The following IGF1R variants were observed in gnomAD, a reference collection of about 807,000 sequenced individuals.
IGF1R encodes insulin-like growth factor 1 receptor.
A neutral mutation model predicts 144.6 loss-of-function variants in IGF1R; 44 were observed. The ratio of observed to expected loss-of-function variants is 0.30; its 90% confidence interval spans 0.24 to 0.39. The LOEUF (loss-of-function observed/expected upper bound fraction) is 0.39, where lower values mean the gene tolerates loss of function less well. IGF1R is among the 10% of genes least tolerant of loss of function. The probability of loss-of-function intolerance (pLI) is 1.00; values close to 1 mark genes in which losing one functional copy is unlikely to be tolerated. For synonymous variants in IGF1R, 795 were observed against 722.8 expected (o/e 1.10, Z -1.60); for missense variants, 1,355 against 1,833.7 (o/e 0.74, Z 4.77).
Position 98,959,568 on chromosome 15 carries a change from G to A in IGF1R, c.*2126G>A, listed in dbSNP as rs879455782. 35 of 233,530 alleles carry A rather than the reference G, an allele frequency of 1.5e-4. No individual in the cohort carries two copies. The highest frequency in any genetic ancestry group is 7.1e-4 in the African/African-American group (32 of 45,352). The allele number at this position is 233,530 out of a possible 1,614,324, so 14.5% of individuals were successfully genotyped here. ...AGAGCCCCTTTGCTTCTTGCTGGGG[G>A]ACCAGGGCTGTGGTGCTGGCCCACT... On this transcript the variant is annotated 3_prime_UTR_variant, in exon 21 of 21. Transcript: ENST00000650285.
chr15:98,821,519 G>GA (rs1199490762), intron 2 of IGF1R, among the ~76,000 whole-genome samples: 1 of 151,730 alleles, frequency 6.6e-6, no homozygotes. Context: ...AGTCGAAGGG[G>GA]AAGGGGTGGC....
chr15:98,649,029 C>CCAG lies in IGF1R; in HGVS notation c.-552_-550dup. 6.4e-6 allele frequency: 1 copy of CCAG among 156,326 alleles called. No homozygotes were observed. Among genetic ancestry groups the CCAG allele is most frequent in the East Asian group, 7.1e-5 (1 of 14,174 alleles). 9.7% of individuals were successfully genotyped at this position (156,326 alleles called of 1,614,324 possible). A position where few individuals can be genotyped will look rare whatever the true frequency, so the allele number is the denominator to read the frequency against. Reference sequence around the variant, plus strand: ...AGGGAGGAGGCGGCGGCGAGCGGAGCCAGGAGGAGGAGGAGGAGGGGGAGC... The same window carrying CCAG: ...AGGGAGGAGGCGGCGGCGAGCGGAGCCAGCAGGAGGAGGAGGAGGAGGGGGAGC... On this transcript the variant is annotated 5_prime_UTR_variant, in exon 1 of 21. Coordinates refer to ENST00000650285, the MANE Select transcript of IGF1R (RefSeq NM_000875.5).
intron 2 of IGF1R, among the ~76,000 whole-genome samples, chr15:98,845,466 GCCCCCTCCTCCTC>G (rs1322642115): frequency 1.4e-4 from 9 of 64,118 alleles, no homozygotes; most frequent in Non-Finnish European, 2.6e-4. Context: ...TCCTTCTCCT[GCCCCCTCCTCCTC>G]CCTCCTCCTC....
At chr15:98,900,241 T>G (rs966269934) in intron 5 of IGF1R, among the ~76,000 whole-genome samples, 1 of 152,240 alleles carries the variant, frequency 6.6e-6, no homozygotes, top group Non-Finnish European at 1.5e-5. Flanking sequence ...AAGCCGGTGC[T>G]TATTGCATGC....
intron 1 of IGF1R, among the ~76,000 whole-genome samples, chr15:98,656,191 A>G (rs1010499123): frequency 1.3e-5 from 2 of 152,216 alleles, no homozygotes; most frequent in African/African-American, 2.4e-5. Context: ...GGCTAGTCAC[A>G]TGGGGAAGAT....
chr15:98,950,550 G>C (rs557049389), intron 20 of IGF1R, among the ~76,000 whole-genome samples: 4 of 152,220 alleles, frequency 2.6e-5, no homozygotes, highest in Non-Finnish European at 5.9e-5. Context: ...TGGAGGCCAA[G>C]GCCACTCACA....
intron 2 of IGF1R, among the ~76,000 whole-genome samples, chr15:98,888,393 AATT>A (rs1191570104): frequency 5.9e-5 from 9 of 151,336 alleles, no homozygotes; most frequent in African/African-American, 2.2e-4. Flanking sequence ...ATATATTTGA[AATT>A]ATTAACTGTC....
At chr15:98,840,881 A>G (rs978170380) in intron 2 of IGF1R, among the ~76,000 whole-genome samples, 1 of 151,970 alleles carries the variant, frequency 6.6e-6, no homozygotes, top group Non-Finnish European at 1.5e-5. Flanking sequence ...GGGTTTCACC[A>G]TGTTGGCCAG....
chr15:98,866,990 C>A (rs2012484656), intron 2 of IGF1R, among the ~76,000 whole-genome samples: 1 of 152,192 alleles, frequency 6.6e-6, no homozygotes, highest in South Asian at 2.1e-4. Flanking sequence ...AAATTCATGA[C>A]ATCCTGAGCA....
Position 98,780,728 on chromosome 15 carries a change from A to G in IGF1R, c.640+72621A>G, listed in dbSNP as rs369468680. On this transcript the variant is annotated intron_variant, in intron 2 of 20. Transcript: ENST00000650285. ...CCTCACTATTCACTTTAGGCAGTCT[A>G]TCTCCTTAAGGATCTCCTTACGGTT... Among the ~76,000 whole-genome samples, 89 of 152,326 alleles carry G rather than the reference A, an allele frequency of 5.8e-4. No homozygotes were observed. The South Asian group carries it at 9.1e-3, about 16-fold the overall frequency.
chr15:98,854,796 A>G (rs1468261247), intron 2 of IGF1R, among the ~76,000 whole-genome samples: 2 of 152,136 alleles, frequency 1.3e-5, no homozygotes, highest in East Asian at 1.9e-4. Flanking sequence ...TGAATCTCCC[A>G]TCACTACTTT....
chr15:98,738,586 C>T (rs1313230754), intron 2 of IGF1R, among the ~76,000 whole-genome samples: 1 of 152,202 alleles, frequency 6.6e-6, no homozygotes, highest in Non-Finnish European at 1.5e-5. Flanking sequence ...TTGTGTATTA[C>T]TATGCAGTTG....
intron 2 of IGF1R, among the ~76,000 whole-genome samples, chr15:98,823,869 A>G (rs1809835044): frequency 6.6e-6 from 1 of 152,176 alleles, no homozygotes; most frequent in African/African-American, 2.4e-5. Context: ...AACAAACAAA[A>G]ACTTGGCTAA....
intron 18 of IGF1R, among the ~76,000 whole-genome samples, chr15:98,939,652 G>A (rs1056111320): frequency 6.6e-6 from 1 of 152,224 alleles, no homozygotes; most frequent in Non-Finnish European, 1.5e-5. Flanking sequence ...ATTGGTTACA[G>A]AAATAATTAA....
chr15:98,925,416 C>A (rs1346757908), intron 13 of IGF1R, among the ~76,000 whole-genome samples: 1 of 152,184 alleles, frequency 6.6e-6, no homozygotes, highest in Non-Finnish European at 1.5e-5. Context: ...GAAATTAGTT[C>A]TGTGTTGAGT....
intron 2 of IGF1R, among the ~76,000 whole-genome samples, chr15:98,827,685 C>G (rs1019427477): frequency 6.6e-6 from 1 of 152,178 alleles, no homozygotes; most frequent in Non-Finnish European, 1.5e-5. Flanking sequence ...CGGGTTCAAG[C>G]GATTCTCCTG....
chr15:98,729,290 T>A (rs875686), intron 2 of IGF1R, among the ~76,000 whole-genome samples: 47,459 of 152,098 alleles, frequency 0.31, 7,594 homozygotes, highest in South Asian at 0.38. Flanking sequence ...AAGAGCATGT[T>A]TGCTGGTGAA....
Position 98,957,389 on chromosome 15 carries a change from G to C in IGF1R, c.4051G>C (p.Gly1351Arg), listed in dbSNP as rs548962243. The C allele has an allele frequency of 6.2e-7, 1 of 1,613,270 alleles. No homozygotes were observed. Among genetic ancestry groups the C allele is most frequent in the South Asian group, 1.1e-5 (1 of 91,082 alleles). Residue 1351 changes from glycine (G) to arginine (R), a missense_variant, in exon 21 of 21, where the codon GGG (glycine) becomes CGG (arginine). By Grantham distance (125) the Gly-to-Arg change is moderately radical (BLOSUM62 -2). Transcript: ENST00000650285. The part of the protein sequence containing the change: ...DERQPYAHMN[G>R]GRKNERALPL... Reference sequence around the variant, plus strand: ...GAGACAGCCTTACGCCCACATGAACGGGGGCCGCAAGAACGAGCGGGCCTT... The same window carrying C: ...GAGACAGCCTTACGCCCACATGAACCGGGGCCGCAAGAACGAGCGGGCCTT...
At chr15:98,953,451 G>A (rs1016435521) in intron 20 of IGF1R, among the ~76,000 whole-genome samples, 4 of 152,144 alleles carry the variant, frequency 2.6e-5, no homozygotes, top group Admixed American at 6.5e-5. Flanking sequence ...CCCAGATCTC[G>A]GTATTTATGC....
Sources: gnomAD v4.1 joint callset for allele counts (sites outside exome capture counted in the v4.1 genomes callset) on GRCh38, gnomAD v4.1.1 for gene constraint, MANE v1.5 for transcripts, NCBI Gene and HGNC (gene_info 2026-07-23, HGNC 2026-07-21) for gene names.